The following TIMM50 variants were observed in gnomAD, a reference collection of about 807,000 sequenced individuals.
TIMM50 encodes mitochondrial import inner membrane translocase subunit TIM50.
In TIMM50, 34 loss-of-function variants were observed where a neutral mutation model predicts 49.6. That is an observed-to-expected ratio of 0.69 (90% CI 0.52 to 0.91). The LOEUF (loss-of-function observed/expected upper bound fraction) is 0.91, where lower values mean the gene tolerates loss of function less well. Among genes scored for constraint, TIMM50 ranks in the 40% least tolerant of loss-of-function variants. The probability of loss-of-function intolerance (pLI) is 0.00; values close to 1 mark genes in which losing one functional copy is unlikely to be tolerated. For missense variants in TIMM50, 458 were observed against 477.8 expected (o/e 0.96, Z 0.39); for synonymous variants, 199 against 198.4 (o/e 1.00, Z -0.03).
chr19:39,492,899 A>T lies in TIMM50; in HGVS notation c.*3079A>T, dbSNP rs1600746838. The T allele has an allele frequency of 6.7e-6, 1 of 150,104 alleles. No homozygotes were observed. Among genetic ancestry groups the T allele is most frequent in the Non-Finnish European group, 1.5e-5 (1 of 67,826 alleles). 9.3% of individuals were successfully genotyped at this position (150,104 alleles called of 1,614,324 possible). A position where few individuals can be genotyped will look rare whatever the true frequency, so the allele number is the denominator to read the frequency against. On this transcript the variant is annotated 3_prime_UTR_variant, in exon 11 of 11. Transcript: ENST00000607714. ...AAAAAAAAAAAAAAAAAAACAAAAA[A>T]AAAACCAGTTTGACTTTATCTCCCT... is the stretch of plus-strand genomic sequence containing the variant.
Position 39,488,644 on chromosome 19 carries a change from A to G in TIMM50, c.959A>G (p.Gln320Arg). ...AFKQRQSRLE[Q>R]EEQQRLAELS... ...AAACAGCGGCAAAGCCGGCTAGAGCAGGTTGGTGCTCAGATGCCCAGAGTG... is the reference window on the plus strand; with the variant it reads ...AAACAGCGGCAAAGCCGGCTAGAGCGGGTTGGTGCTCAGATGCCCAGAGTG... Residue 320 changes from glutamine (Q) to arginine (R), a missense_variant and splice_region_variant, in exon 10 of 11, where the codon CAG becomes CGG. Gln to Arg is a conservative substitution (Grantham distance 43). Transcript: ENST00000607714. 1.9e-6 allele frequency: 3 copies of G among 1,613,572 alleles called. No individual in the cohort carries two copies. Among genetic ancestry groups the G allele is most frequent in the Non-Finnish European group, 2.5e-6 (3 of 1,179,798 alleles).
In TIMM50 at chr19:39,492,713, A is replaced by G. The variant is rs1232927606; in HGVS notation, c.*2893A>G. 1 of 151,578 alleles carries G rather than the reference A, an allele frequency of 6.6e-6. No homozygotes were observed. The highest frequency in any genetic ancestry group is 1.9e-4 in the East Asian group (1 of 5,182). 9.4% of individuals were successfully genotyped at this position (151,578 alleles called of 1,614,324 possible). ...GAAACCCTGTCTCTACTAAAAAAAT[A>G]CAAATAAATTAGCTGGGCATGGTGG... On this transcript the variant is annotated 3_prime_UTR_variant, in exon 11 of 11. Coordinates refer to ENST00000607714, the MANE Select transcript of TIMM50 (RefSeq NM_001001563.5).
chr19:39,493,184 GTTA>G lies in TIMM50; in HGVS notation c.*3367_*3369del, dbSNP rs2079559646. ...GGTGCACTGTCTGTAAGCCGGTGGA[GTTA>G]TTTCCCAAAATCCTTGGTCCTTCCC... On this transcript the variant is annotated 3_prime_UTR_variant, in exon 11 of 11. Transcript: ENST00000607714. 1 of 151,996 alleles carries G rather than the reference GTTA, an allele frequency of 6.6e-6. No homozygotes were observed. The highest frequency in any genetic ancestry group is 2.4e-5 in the African/African-American group (1 of 41,354). 9.4% of individuals were successfully genotyped at this position (151,996 alleles called of 1,614,324 possible). A position where few individuals can be genotyped will look rare whatever the true frequency, so the allele number is the denominator to read the frequency against.
At chr19:39,481,134 G>A in intron 1 of TIMM50, 173 bp downstream of exon 1, 1 of 870,520 alleles carries the variant, frequency 1.1e-6, no homozygotes. Flanking sequence ...TAGGCTGGAG[G>A]CTGGGAATCC....
At chr19:39,483,381 A>T in intron 4 of TIMM50, 9 of 555,350 alleles carry the variant, frequency 1.6e-5, no homozygotes, top group East Asian at 3.1e-5. Flanking sequence ...GGGGGATTGG[A>T]GCCTTGGGTG....
intron 9 of TIMM50, 84 bp from the exon 10 acceptor site, chr19:39,488,455 C>A: frequency 7.6e-7 from 1 of 1,315,516 alleles, no homozygotes; most frequent in East Asian, 2.3e-5. Flanking sequence ...GCCCCCGTGC[C>A]CCAGTGCGGG....
In TIMM50 at chr19:39,481,031, C is replaced by T. The variant is rs547684004; in HGVS notation, c.108+70C>T. On this transcript the variant is annotated intron_variant, in intron 1 of 10. Transcript: ENST00000607714. The stretch of plus-strand genomic sequence containing the variant: ...TGGAGTTACGGACATATCGCCGCCC[C>T]TTGGGGGTTCCGGGACGCCTCACCT... 9 of 1,468,204 alleles carry T rather than the reference C, an allele frequency of 6.1e-6. No individual in the cohort carries two copies. The East Asian group carries it at 1.2e-4, about 20-fold the overall frequency. The allele number at this position is 1,468,204 out of a possible 1,614,324, so 90.9% of individuals were successfully genotyped here.
At chr19:39,481,008 G>A in intron 1 of TIMM50, 47 bp downstream of exon 1, 1 of 1,526,758 alleles carries the variant, frequency 6.5e-7, no homozygotes, top group Non-Finnish European at 8.7e-7. Flanking sequence ...CCCTTCCCTG[G>A]AGTTACGGAC....
chr19:39,487,980 GTA>G, intron 8 of TIMM50, 79 bp from the exon 9 acceptor site: 1 of 1,537,796 alleles, frequency 6.5e-7, no homozygotes, highest in Non-Finnish European at 8.8e-7. Context: ...GTGTATGTAT[GTA>G]TGTTTTGTGT....
Position 39,489,992 on chromosome 19 carries a change from C to G in TIMM50, c.*172C>G. On this transcript the variant is annotated 3_prime_UTR_variant, in exon 11 of 11. Transcript: ENST00000607714. ...AGGTCCGGGACTCTTGGGTCATCGT[C>G]CCACAGTGGCTGATCGGCTGCCAAG... The G allele has an allele frequency of 1.6e-6, 1 of 637,346 alleles. No individual in the cohort carries two copies. The highest frequency in any genetic ancestry group is 2.0e-5 in the South Asian group (1 of 50,354). The allele number at this position is 637,346 out of a possible 1,614,324, so 39.5% of individuals were successfully genotyped here.
Position 39,490,065 on chromosome 19 carries a change from C to T in TIMM50, c.*245C>T, listed in dbSNP as rs2079535068. On this transcript the variant is annotated 3_prime_UTR_variant, in exon 11 of 11. Coordinates refer to ENST00000607714, the MANE Select transcript of TIMM50 (RefSeq NM_001001563.5). ...ATCAGAGCAGATTTTTCACCCTGGT[C>T]TCGGAATCTAAAAACCCTCGCTGTG... is the stretch of plus-strand genomic sequence containing the variant. 1 of 535,188 alleles carries T rather than the reference C, an allele frequency of 1.9e-6. No individual in the cohort carries two copies. Among genetic ancestry groups the T allele is most frequent in the South Asian group, 2.7e-5 (1 of 37,238 alleles). The allele number at this position is 535,188 out of a possible 1,614,324, so 33.2% of individuals were successfully genotyped here. A position where few individuals can be genotyped will look rare whatever the true frequency, so the allele number is the denominator to read the frequency against.
Position 39,485,607 on chromosome 19 carries a change from G to T in TIMM50, c.372+5G>T. 1 of 1,614,146 alleles carries T rather than the reference G, an allele frequency of 6.2e-7. No individual in the cohort carries two copies. Among genetic ancestry groups the T allele is most frequent in the Non-Finnish European group, 8.5e-7 (1 of 1,180,030 alleles). On this transcript the variant is annotated splice_donor_5th_base_variant and intron_variant, in intron 5 of 10. Coordinates refer to ENST00000607714, the MANE Select transcript of TIMM50 (RefSeq NM_001001563.5). ...TATTTCAAAGATTATAGACAGGTGA[G>T]CAGAAGCCCTGGGCTCAGTCCCCAT...
intron 4 of TIMM50, among the ~76,000 whole-genome samples, chr19:39,483,718 T>G (rs1419604760): frequency 6.6e-6 from 1 of 152,226 alleles, no homozygotes; most frequent in Non-Finnish European, 1.5e-5. Context: ...ATACATTGAT[T>G]GTTTCAAACT....
Position 39,490,096 on chromosome 19 carries a change from C to T in TIMM50, c.*276C>T, listed in dbSNP as rs2079535249. The T allele has an allele frequency of 2.0e-6, 1 of 499,688 alleles. No individual in the cohort carries two copies. The highest frequency in any genetic ancestry group is 1.9e-5 in the African/African-American group (1 of 52,250). 31.0% of individuals were successfully genotyped at this position (499,688 alleles called of 1,614,324 possible). On this transcript the variant is annotated 3_prime_UTR_variant, in exon 11 of 11. Coordinates refer to ENST00000607714, the MANE Select transcript of TIMM50 (RefSeq NM_001001563.5). ...ATCTAAAAACCCTCGCTGTGTCTTC[C>T]TGTGTGTTGCGTGATCTGTGAAAAA...
intron 2 of TIMM50, 88 bp from the exon 3 acceptor site, chr19:39,482,797 A>G (rs2079481402): frequency 2.6e-6 from 4 of 1,567,964 alleles, no homozygotes; most frequent in Non-Finnish European, 3.5e-6. Flanking sequence ...CCTCAGATCC[A>G]GGAGTCCAGG....
chr19:39,483,512 C>T (rs1057266003), intron 4 of TIMM50: 3 of 253,424 alleles, frequency 1.2e-5, no homozygotes, highest in South Asian at 1.0e-4. Context: ...CCATTAGGCT[C>T]ATTTTCAAAA....
At chr19:39,483,862 AT>A (rs112913065) in intron 4 of TIMM50, among the ~76,000 whole-genome samples, 22 of 151,034 alleles carry the variant, frequency 1.5e-4, no homozygotes, top group Admixed American at 2.6e-4. Context: ...TTTTATTTTT[AT>A]TTTTTTTTGA....
intron 6 of TIMM50, 163 bp downstream of exon 6, chr19:39,485,970 ACT>A (rs1441034112): frequency 2.2e-5 from 27 of 1,211,240 alleles, no homozygotes; most frequent in Middle Eastern, 2.7e-4. Context: ...GCTAACACCC[ACT>A]CTGTAGGGTA....
intron 8 of TIMM50, 78 bp downstream of exon 8, chr19:39,486,573 C>T: frequency 7.6e-7 from 1 of 1,312,352 alleles, no homozygotes. Context: ...CCAGCTCTGA[C>T]CCTAGCCTCA....
Sources: gnomAD v4.1 joint callset for allele counts (sites outside exome capture counted in the v4.1 genomes callset) on GRCh38, gnomAD v4.1.1 for gene constraint, MANE v1.5 for transcripts, NCBI Gene and HGNC (gene_info 2026-07-23, HGNC 2026-07-21) for gene names.